ADAMTS19: variants seen among roughly 807,000 people sequenced by gnomAD.
ADAMTS19 encodes A disintegrin and metalloproteinase with thrombospondin motifs 19.
A neutral mutation model predicts 153.3 loss-of-function variants in ADAMTS19; 93 were observed. The observed-to-expected ratio is 0.61, with a 90% CI of 0.51 to 0.72. ADAMTS19 has a LOEUF of 0.72. ADAMTS19 is among the 30% of genes least tolerant of loss of function. The probability of loss-of-function intolerance (pLI) is 0.00; values close to 1 mark genes in which losing one functional copy is unlikely to be tolerated. For synonymous variants in ADAMTS19, 600 were observed against 556.6 expected (o/e 1.08, Z -1.10); for missense variants, 1,482 against 1,552.1 (o/e 0.95, Z 0.76).
Position 129,622,259 on chromosome 5 carries a change from C to G in ADAMTS19, c.1681C>G (p.Pro561Ala). The part of the protein sequence containing the change: ...NPQSVNSVMV[P>A]SKLPGMTYTA... ...GCAGAGTGTCAATTCTGTGATGGTT[C>G]CCTCCAAGCTGCCAGGGATGACATA... The change falls in exon 10 of 23, where the codon CCC (proline) becomes GCC (alanine). Residue 561 changes from proline to alanine, a missense_variant. By Grantham distance (27) the Pro-to-Ala change is conservative. Coordinates refer to ENST00000274487, the MANE Select transcript of ADAMTS19 (RefSeq NM_133638.6). 1 of 1,614,086 alleles carries G rather than the reference C, an allele frequency of 6.2e-7. No individual in the cohort carries two copies. The highest frequency in any genetic ancestry group is 8.5e-7 in the Non-Finnish European group (1 of 1,179,992).
intron 3 of ADAMTS19, among the ~76,000 whole-genome samples, chr5:129,522,199 A>G (rs1751832179): frequency 6.7e-6 from 1 of 149,372 alleles, no homozygotes; most frequent in African/African-American, 2.5e-5. Context: ...AAAAATATAT[A>G]TATATATACA....
At chr5:129,501,598 G>C (rs1751110339) in intron 2 of ADAMTS19, among the ~76,000 whole-genome samples, 3 of 152,028 alleles carry the variant, frequency 2.0e-5, no homozygotes, top group Admixed American at 6.6e-5. Flanking sequence ...TTTCACAAAG[G>C]CAGTATGTGC....
At position 129,663,547 on chromosome 5, in the gene ADAMTS19, A is replaced by G. The variant is rs151238460; in HGVS notation, c.2426-1952A>G. Among the ~76,000 whole-genome samples the G allele has an allele frequency of 3.5e-3, 539 of 152,292 alleles. 6 individuals are homozygous for G. The highest frequency in any genetic ancestry group is 1.0e-3 in the Non-Finnish European group (70 of 68,032). ...ATTGTCACATAACTAATAATAAAGC[A>G]TTGTGTTCAATATTTATTATACCCA... On this transcript the variant is annotated intron_variant, in intron 15 of 22. Coordinates refer to ENST00000274487, the MANE Select transcript of ADAMTS19 (RefSeq NM_133638.6).
At chr5:129,590,796 C>T (rs1216695456) in intron 7 of ADAMTS19, among the ~76,000 whole-genome samples, 1 of 152,154 alleles carries the variant, frequency 6.6e-6, no homozygotes, top group Non-Finnish European at 1.5e-5. Context: ...TTCATATTAT[C>T]TGGGTACCAT....
At chr5:129,613,894 A>G (rs1019258951) in intron 8 of ADAMTS19, among the ~76,000 whole-genome samples, 5 of 152,200 alleles carry the variant, frequency 3.3e-5, no homozygotes, top group African/African-American at 1.2e-4. Context: ...ACCATCAGAG[A>G]ATACTATAAA....
chr5:129,475,116 T>A (rs1419673775), intron 2 of ADAMTS19, among the ~76,000 whole-genome samples: 1 of 152,006 alleles, frequency 6.6e-6, no homozygotes, highest in Non-Finnish European at 1.5e-5. Context: ...TTTTTTTTTT[T>A]TAATGGAACA....
intron 2 of ADAMTS19, among the ~76,000 whole-genome samples, chr5:129,508,134 T>C (rs1320865817): frequency 2.6e-5 from 4 of 151,952 alleles, no homozygotes; most frequent in Admixed American, 1.3e-4. Context: ...ATATTGATAA[T>C]TCAAAACAGA....
chr5:129,668,179 C>T (rs1581206896), intron 16 of ADAMTS19, among the ~76,000 whole-genome samples: 1 of 152,112 alleles, frequency 6.6e-6, no homozygotes. Flanking sequence ...GTCTCTTTGC[C>T]TTCTCCTTTC....
chr5:129,598,805 G>A (rs1171439941), intron 8 of ADAMTS19, among the ~76,000 whole-genome samples: 2 of 152,126 alleles, frequency 1.3e-5, no homozygotes, highest in Non-Finnish European at 2.9e-5. Flanking sequence ...CAGGGGATTG[G>A]TTCCTGGACC....
intron 21 of ADAMTS19, among the ~76,000 whole-genome samples, chr5:129,717,876 A>G (rs1756802260): frequency 6.6e-6 from 1 of 152,208 alleles, no homozygotes; most frequent in Admixed American, 6.5e-5. Context: ...ACATGGCCAC[A>G]GAGGGATCTG....
chr5:129,701,663 A>G (rs1755865103), intron 20 of ADAMTS19, 71 bp downstream of exon 20: 1 of 1,506,610 alleles, frequency 6.6e-7, no homozygotes, highest in Non-Finnish European at 9.0e-7. Context: ...AGGTTGGATC[A>G]TGTTCAGAAT....
Position 129,543,372 on chromosome 5 carries a change from T to C in ADAMTS19, c.1329-8492T>C, listed in dbSNP as rs144000244. On this transcript the variant is annotated intron_variant, in intron 6 of 22. Transcript: ENST00000274487. ...CAGCCTGGATTAACTAGTTTTTGGA[T>C]TTACTAGAATACAAAAATAATAGCA... Among the ~76,000 whole-genome samples the C allele has an allele frequency of 3.4e-3, 511 of 152,252 alleles. 4 individuals carry two copies. Among genetic ancestry groups the C allele is most frequent in the African/African-American group, 0.011 (444 of 41,556 alleles).
In ADAMTS19 at chr5:129,710,207, G is replaced by A. The variant is rs112960324; in HGVS notation, c.3312+5816G>A. On this transcript the variant is annotated intron_variant, in intron 21 of 22. Coordinates refer to ENST00000274487, the MANE Select transcript of ADAMTS19 (RefSeq NM_133638.6). ...CTCATTGTTCATCTCCTGCTTATAA[G>A]TGAGAACATTCAGTGTTTGCTTTTC... Among the ~76,000 whole-genome samples the A allele has an allele frequency of 1.3e-3, 196 of 152,238 alleles. 1 individual carries two copies. The highest frequency in any genetic ancestry group is 4.6e-3 in the African/African-American group (189 of 41,530).
At chr5:129,687,225 G>A (rs1333844127) in intron 18 of ADAMTS19, among the ~76,000 whole-genome samples, 1 of 152,146 alleles carries the variant, frequency 6.6e-6, no homozygotes, top group African/African-American at 2.4e-5. Flanking sequence ...TCTTGTGGTT[G>A]GGGGGCAGGC....
chr5:129,602,613 T>C (rs571523051), intron 8 of ADAMTS19, among the ~76,000 whole-genome samples: 10 of 152,224 alleles, frequency 6.6e-5, no homozygotes, highest in Admixed American at 1.3e-4. Flanking sequence ...TTATGCAATA[T>C]TAATGTCATT....
At chr5:129,524,712 A>G (rs1751943713) in intron 3 of ADAMTS19, among the ~76,000 whole-genome samples, 1 of 151,366 alleles carries the variant, frequency 6.6e-6, no homozygotes, top group African/African-American at 2.4e-5. Flanking sequence ...ATGTACACCT[A>G]TGTAACAAAC....
chr5:129,624,195 ATGTAATT>A (rs960000733), intron 10 of ADAMTS19, among the ~76,000 whole-genome samples: 5 of 149,292 alleles, frequency 3.3e-5, no homozygotes, highest in Admixed American at 2.0e-4. Flanking sequence ...TGGTGTTGCT[ATGTAATT>A]GTGATCTAAT....
chr5:129,623,919 G>A lies in ADAMTS19; in HGVS notation c.1770+1571G>A, dbSNP rs527394835. On this transcript the variant is annotated intron_variant, in intron 10 of 22. Transcript: ENST00000274487. ...GCGGATCACGAGGTCAGGAGATCGA[G>A]ACCATCCTGGCTAACACGGTGAAAC... Among the ~76,000 whole-genome samples, 312 of 151,358 alleles carry A rather than the reference G, an allele frequency of 2.1e-3. 3 individuals carry two copies. The highest frequency in any genetic ancestry group is 7.1e-3 in the African/African-American group (293 of 41,250).
intron 2 of ADAMTS19, among the ~76,000 whole-genome samples, chr5:129,464,018 C>T (rs1749774959): frequency 6.6e-6 from 1 of 151,942 alleles, no homozygotes; most frequent in Non-Finnish European, 1.5e-5. Flanking sequence ...CTTCCCAAAG[C>T]AGAAGAAGTT....
Sources: allele counts gnomAD v4.1 joint callset (sites outside exome capture counted in the v4.1 genomes callset), GRCh38; gene constraint gnomAD v4.1.1; transcripts MANE v1.5; gene names NCBI Gene and HGNC (gene_info 2026-07-23, HGNC 2026-07-21).